The following FGF12 variants were observed in gnomAD, a reference collection of about 807,000 sequenced individuals.
FGF12 encodes the protein fibroblast growth factor 12.
Under a neutral mutation model 23.6 loss-of-function variants are expected in FGF12, and 14 were observed. The observed-to-expected ratio is 0.59, with a 90% CI of 0.39 to 0.93. The LOEUF is 0.93. Among genes scored for constraint, FGF12 ranks in the 40% least tolerant of loss-of-function variants. The pLI is 0.00. For missense variants in FGF12, 175 were observed against 217.8 expected, an observed-to-expected ratio of 0.80 and a Z score of 1.24; for synonymous variants, 62 against 77.3, an observed-to-expected ratio of 0.80 and a Z score of 1.04.
At chr3:192,155,906 T>C (rs1472161259) in intron 5 of FGF12, among the ~76,000 whole-genome samples, 1 of 152,224 alleles carries the variant, frequency 6.6e-6, no homozygotes, top group Admixed American at 6.5e-5. Flanking sequence ...CAGATCCTTA[T>C]TATTAACCAG....
At position 192,568,138 on chromosome 3, in the gene FGF12, A is replaced by G. The variant is rs115207396; in HGVS notation, c.13+159043T>C. On this transcript the variant is annotated intron_variant, in intron 2 of 5. Transcript: ENST00000445105. Reference sequence around the variant, plus strand: ...GTGAGCACCATGCCCCGCCCTTTGCATGTGTTTCTTATAAGGACACTTGTC... The same window carrying G: ...GTGAGCACCATGCCCCGCCCTTTGCGTGTGTTTCTTATAAGGACACTTGTC... 6.4e-3 allele frequency among the ~76,000 whole-genome samples: 977 copies of G among 152,174 alleles called. 5 individuals carry two copies. Among genetic ancestry groups the G allele is most frequent in the African/African-American group, 0.022 (919 of 41,516 alleles).
At chr3:192,304,388 A>G (rs1174842904) in intron 4 of FGF12, among the ~76,000 whole-genome samples, 1 of 152,154 alleles carries the variant, frequency 6.6e-6, no homozygotes, top group Non-Finnish European at 1.5e-5. Flanking sequence ...ACATATAACT[A>G]AAAACTTGGG....
intron 2 of FGF12, among the ~76,000 whole-genome samples, chr3:192,519,921 A>G (rs926323459): frequency 6.6e-6 from 1 of 152,200 alleles, no homozygotes; most frequent in Non-Finnish European, 1.5e-5. Context: ...TCCTTTTGAC[A>G]TACCCCAATT....
At chr3:192,401,505 T>C (rs1720758907) in intron 2 of FGF12, among the ~76,000 whole-genome samples, 1 of 152,180 alleles carries the variant, frequency 6.6e-6, no homozygotes, top group Admixed American at 6.5e-5. Context: ...AGGAAGCTTC[T>C]AGGGCCTCTG....
intron 2 of FGF12, among the ~76,000 whole-genome samples, chr3:192,644,307 C>T (rs1001624751): frequency 6.6e-6 from 1 of 152,134 alleles, no homozygotes; most frequent in African/African-American, 2.4e-5. Context: ...TTCAGATTTT[C>T]AGATCTGGCC....
At chr3:192,448,172 T>C (rs993425761) in intron 2 of FGF12, among the ~76,000 whole-genome samples, 1 of 152,228 alleles carries the variant, frequency 6.6e-6, no homozygotes, top group Non-Finnish European at 1.5e-5. Flanking sequence ...TATTTCTACC[T>C]TGCAGCTATT....
At chr3:192,727,089 T>C in intron 2 of FGF12, 92 bp downstream of exon 2, 1 of 1,483,468 alleles carries the variant, frequency 6.7e-7, no homozygotes, top group Non-Finnish European at 9.2e-7. Context: ...AGTATGATGC[T>C]CGCTCCCCAA....
At chr3:192,627,878 G>A (rs1288442761) in intron 2 of FGF12, among the ~76,000 whole-genome samples, 2 of 151,154 alleles carry the variant, frequency 1.3e-5, no homozygotes, top group East Asian at 3.9e-4. Context: ...GTGTGTGTGT[G>A]TTTAGTTATA....
At position 192,409,807 on chromosome 3, in the gene FGF12, CAG is replaced by C. The variant is rs1721131112; in HGVS notation, c.14-49271_14-49270del. 6.6e-6 allele frequency among the ~76,000 whole-genome samples: 1 copy of C among 151,996 alleles called. No individual in the cohort carries two copies. The highest frequency in any genetic ancestry group is 1.5e-5 in the Non-Finnish European group (1 of 67,948). On this transcript the variant is annotated intron_variant, in intron 2 of 5. Coordinates refer to ENST00000445105, the MANE Select transcript of FGF12 (RefSeq NM_004113.6). This position sits in a 1 kb window ranked among gnomAD's most constrained non-coding sequence, Gnocchi z 4.8. The stretch of plus-strand genomic sequence containing the variant: ...GGGCGCTTGGGGCCGGAGGCGGAAT[CAG>C]GGGCCGGGGCCAGGAGGCAGGTGCA...
intron 2 of FGF12, among the ~76,000 whole-genome samples, chr3:192,508,014 A>G (rs1475952501): frequency 1.3e-5 from 2 of 152,206 alleles, no homozygotes; most frequent in Non-Finnish European, 2.9e-5. Flanking sequence ...AAAATGATCC[A>G]GCTAGCAACA....
intron 2 of FGF12, among the ~76,000 whole-genome samples, chr3:192,498,060 A>G (rs1419746667): frequency 1.3e-5 from 2 of 152,226 alleles, no homozygotes; most frequent in African/African-American, 4.8e-5. Flanking sequence ...GACTCGGTGC[A>G]CATTTTCCCT....
intron 2 of FGF12, among the ~76,000 whole-genome samples, chr3:192,397,217 G>A (rs116329960): frequency 1.4e-3 from 211 of 152,328 alleles, no homozygotes; most frequent in African/African-American, 4.7e-3. Flanking sequence ...TGTGGAGGCG[G>A]CCTGGCCACA....
chr3:192,639,112 C>T (rs780098671), intron 2 of FGF12, among the ~76,000 whole-genome samples: 4 of 152,098 alleles, frequency 2.6e-5, no homozygotes, highest in Non-Finnish European at 5.9e-5. Flanking sequence ...AGTAGAAAAA[C>T]AAATAACCTG....
chr3:192,594,977 G>T (rs1207220019), intron 2 of FGF12, among the ~76,000 whole-genome samples: 2 of 147,990 alleles, frequency 1.4e-5, no homozygotes, highest in Non-Finnish European at 3.1e-5. Flanking sequence ...AGAGTTAAAA[G>T]TCTATAAAGT....
chr3:192,658,846 T>C (rs1364400366), intron 2 of FGF12, among the ~76,000 whole-genome samples: 1 of 152,124 alleles, frequency 6.6e-6, no homozygotes, highest in Non-Finnish European at 1.5e-5. Flanking sequence ...AGGCTTTCCA[T>C]TTGTTCTAAA....
At chr3:192,197,417 C>T (rs954456215) in intron 4 of FGF12, among the ~76,000 whole-genome samples, 12 of 152,018 alleles carry the variant, frequency 7.9e-5, no homozygotes, top group Non-Finnish European at 1.5e-4. Flanking sequence ...TTGAAGGTAA[C>T]GACATTTGAA....
rs1717435897 is a variant in FGF12 at position 192,336,736 on chromosome 3, A to T, written c.125-1272T>A. Among the ~76,000 whole-genome samples, 1 of 152,122 alleles carries T rather than the reference A, an allele frequency of 6.6e-6. No homozygotes were observed. Among genetic ancestry groups the T allele is most frequent in the African/African-American group, 2.4e-5 (1 of 41,436 alleles). On this transcript the variant is annotated intron_variant, in intron 3 of 5. Coordinates refer to ENST00000445105, the MANE Select transcript of FGF12 (RefSeq NM_004113.6). The surrounding 1 kb of genome is among the most constrained non-coding windows in gnomAD (Gnocchi z 4.3). ...ATTAACCCAAGGGCTACCATTATTT[A>T]GGGATGCCTCTATTTTTCTCGGCTT...
intron 2 of FGF12, among the ~76,000 whole-genome samples, chr3:192,667,844 G>C (rs1196109009): frequency 6.6e-6 from 1 of 152,060 alleles, no homozygotes; most frequent in East Asian, 1.9e-4. Context: ...TATGTTGTTA[G>C]TGCTTTATCC....
chr3:192,274,418 A>G (rs575645850), intron 4 of FGF12, among the ~76,000 whole-genome samples: 1 of 152,224 alleles, frequency 6.6e-6, no homozygotes, highest in African/African-American at 2.4e-5. Context: ...TACTGTTTAT[A>G]TACCTCACAA....
Sources: gnomAD v4.1 joint callset for allele counts (sites outside exome capture counted in the v4.1 genomes callset) on GRCh38, gnomAD v4.1.1 for gene constraint, Gnocchi (gnomAD v3.1) non-coding constraint, MANE v1.5 for transcripts, NCBI Gene and HGNC (gene_info 2026-07-23, HGNC 2026-07-21) for gene names.